Variants in UGT1A6 observed in about 807,000 individuals in gnomAD.
The protein encoded by UGT1A6 is UDP glucuronosyltransferase family 1 member A6.
Under a neutral mutation model 44.4 loss-of-function variants are expected in UGT1A6, and 32 were observed. The observed-to-expected ratio is 0.72, with a 90% CI of 0.54 to 0.97. The LOEUF is 0.97. Ranked by LOEUF, UGT1A6 falls within the 50% of genes least tolerant of loss-of-function variation. UGT1A6 has a pLI of 0.00. For missense variants in UGT1A6, 685 were observed against 661.9 expected, an observed-to-expected ratio of 1.03 and a Z score of -0.38; for synonymous variants, 238 against 248.5, an observed-to-expected ratio of 0.96 and a Z score of 0.40.
chr2:233,718,430 G>A (rs972830919), intron 1 of UGT1A6, among the ~76,000 whole-genome samples: 1 of 152,312 alleles, frequency 6.6e-6, no homozygotes, highest in Admixed American at 6.5e-5. Context: ...CATGTGGTTG[G>A]GGACTAGGGC....
rs550981457 is a variant in UGT1A6, at chr2:233,769,346, G to C, written c.1301+907G>C. ...TAATAGGCTTATTAGAACCTTATGG[G>C]AAGAAGTGGTGGCCAGTGGTAGATT... On this transcript the variant is annotated intron_variant, in intron 4 of 4. Coordinates refer to ENST00000305139, the MANE Select transcript of UGT1A6 (RefSeq NM_001072.4). This position sits in a 1 kb window ranked among gnomAD's most constrained non-coding sequence, Gnocchi z 4.4. Among the ~76,000 whole-genome samples, 7 of 152,360 alleles carry C rather than the reference G, an allele frequency of 4.6e-5. No homozygotes were observed. In the South Asian group the frequency reaches 1.5e-3, roughly 32 times the overall value.
intron 1 of UGT1A6, among the ~76,000 whole-genome samples, chr2:233,716,722 T>A (rs1048158654): frequency 6.6e-5 from 10 of 152,206 alleles, no homozygotes; most frequent in African/African-American, 2.2e-4. Context: ...AGTTCCAGTT[T>A]ATATGTTTAG....
chr2:233,757,560 A>ATGTG (rs199649558), intron 1 of UGT1A6, among the ~76,000 whole-genome samples: 1 of 123,156 alleles, frequency 8.1e-6, no homozygotes, highest in African/African-American at 3.4e-5. Context: ...ATATATATAT[A>ATGTG]TGTATATATG....
chr2:233,694,940 T>G (rs779505929), intron 1 of UGT1A6, among the ~76,000 whole-genome samples: 17 of 152,240 alleles, frequency 1.1e-4, no homozygotes, highest in Non-Finnish European at 2.4e-4. Context: ...TCAGGGTAAT[T>G]GAGATATCCA....
intron 1 of UGT1A6, chr2:233,718,892 C>A (rs775726544): frequency 6.2e-7 from 1 of 1,613,902 alleles, no homozygotes; most frequent in African/African-American, 1.3e-5. Flanking sequence ...GTGTCCAGCC[C>A]TGGGCTGAGA....
At chr2:233,768,057 G>A in intron 3 of UGT1A6, 121 bp downstream of exon 3, 2 of 1,602,426 alleles carry the variant, frequency 1.2e-6, no homozygotes, top group Non-Finnish European at 1.7e-6. Flanking sequence ...ATCCTACATT[G>A]CTTTTTATCT....
At chr2:233,724,792 G>T (rs992945436) in intron 1 of UGT1A6, among the ~76,000 whole-genome samples, 1 of 140,672 alleles carries the variant, frequency 7.1e-6, no homozygotes, top group African/African-American at 2.8e-5. Context: ...CTTCCCAGAC[G>T]GGGTGGCGGC....
Position 233,772,848 on chromosome 2 carries a change from A to T in UGT1A6, c.*289A>T. 1.3e-6 allele frequency: 1 copy of T among 775,120 alleles called. No homozygotes were observed. Among genetic ancestry groups the T allele is most frequent in the Non-Finnish European group, 1.8e-6 (1 of 542,660 alleles). The allele number at this position is 775,120 out of a possible 1,614,324, so 48.0% of individuals were successfully genotyped here. ...GCTGGCATTCTAGATTACTTTTCTT[A>T]CTCTGAAACATGGCCTGTTTGGGAG... On this transcript the variant is annotated 3_prime_UTR_variant, in exon 5 of 5. Coordinates refer to ENST00000305139, the MANE Select transcript of UGT1A6 (RefSeq NM_001072.4).
At chr2:233,744,055 C>T (rs115067532) in intron 1 of UGT1A6, 5 of 645,238 alleles carry the variant, frequency 7.7e-6, no homozygotes, top group Admixed American at 3.6e-5. Flanking sequence ...TCTCATTGGT[C>T]GAGGCCTATG....
rs1559415650 is a variant in UGT1A6, at chr2:233,768,355, A to G, written c.1217A>G (p.Lys406Arg). ...GACAATGCAAAGCGCATGGAGACTA[A>G]GGGAGCTGGAGTGACCCTGAATGTT... is the stretch of plus-strand genomic sequence containing the variant. The part of the protein sequence containing the change: ...QMDNAKRMET[K>R]GAGVTLNVLE... The change falls in exon 4 of 5, where the codon AAG becomes AGG. Residue 406 changes from lysine to arginine, a missense_variant. Coordinates refer to ENST00000305139, the MANE Select transcript of UGT1A6 (RefSeq NM_001072.4). The G allele has an allele frequency of 6.2e-7, 1 of 1,614,200 alleles. No individual in the cohort carries two copies. The highest frequency in any genetic ancestry group is 1.1e-5 in the South Asian group (1 of 91,084).
At chr2:233,719,280 G>A (rs762367100) in intron 1 of UGT1A6, 57 of 1,613,966 alleles carry the variant, frequency 3.5e-5, no homozygotes, top group South Asian at 5.5e-5. Context: ...AACAGACCCC[G>A]TTAACCTCTG....
At chr2:233,700,614 G>T (rs554562712) in intron 1 of UGT1A6, among the ~76,000 whole-genome samples, 2 of 151,722 alleles carry the variant, frequency 1.3e-5, no homozygotes, top group Admixed American at 6.6e-5. Flanking sequence ...TTTTTTGGGG[G>T]GGTTCCAGTA....
chr2:233,741,159 G>T (rs1330355973), intron 1 of UGT1A6, among the ~76,000 whole-genome samples: 1 of 151,856 alleles, frequency 6.6e-6, no homozygotes, highest in Non-Finnish European at 1.5e-5. Flanking sequence ...CACTAATCCA[G>T]GATATATCAA....
At chr2:233,748,271 GAGGA>G (rs762610387) in intron 1 of UGT1A6, among the ~76,000 whole-genome samples, 6 of 151,770 alleles carry the variant, frequency 4.0e-5, no homozygotes, top group Admixed American at 1.3e-4. Flanking sequence ...TGGTCAATGA[GAGGA>G]AGAAGAGGCA....
At chr2:233,743,880 G>GC (rs1692566071) in intron 1 of UGT1A6, 1 of 1,365,832 alleles carries the variant, frequency 7.3e-7, no homozygotes, top group Non-Finnish European at 9.8e-7. Context: ...GATGAGGCCT[G>GC]CCGGGGCACG....
intron 1 of UGT1A6, chr2:233,718,964 G>C: frequency 6.2e-7 from 1 of 1,614,222 alleles, no homozygotes; most frequent in Non-Finnish European, 8.5e-7. Flanking sequence ...GGGAGGCCTT[G>C]CGGGAGCTCC....
upstream of UGT1A6, chr2:233,692,749 C>T: frequency 9.0e-7 from 1 of 1,106,820 alleles, no homozygotes; most frequent in Middle Eastern, 3.4e-4. Context: ...GAGAAGCAGA[C>T]TTGTGGAGCT....
chr2:233,744,539 T>C (rs1692841530), intron 1 of UGT1A6, among the ~76,000 whole-genome samples: 1 of 151,924 alleles, frequency 6.6e-6, no homozygotes, highest in African/African-American at 2.4e-5. Flanking sequence ...TTTATGTAAA[T>C]TTTATTAAGA....
intron 1 of UGT1A6, among the ~76,000 whole-genome samples, chr2:233,748,829 G>T (rs1192020175): frequency 6.6e-6 from 1 of 151,330 alleles, no homozygotes. Context: ...GTCTAGGGAG[G>T]AGATAAAACT....
Sources: gnomAD v4.1 joint callset for allele counts (sites outside exome capture counted in the v4.1 genomes callset) on GRCh38, gnomAD v4.1.1 for gene constraint, Gnocchi (gnomAD v3.1) non-coding constraint, MANE v1.5 for transcripts, NCBI Gene and HGNC (gene_info 2026-07-23, HGNC 2026-07-21) for gene names.